Variants in LPP observed in about 807,000 individuals in gnomAD.
The protein encoded by LPP is LIM domain containing preferred translocation partner in lipoma.
LPP carries 38 observed loss-of-function variants against 60.4 expected under a neutral mutation model. The ratio of observed to expected loss-of-function variants is 0.63; its 90% CI spans 0.49 to 0.83. The LOEUF (loss-of-function observed/expected upper bound fraction) is 0.83. Ranked by LOEUF, LPP falls within the 40% of genes least tolerant of loss-of-function variation. The pLI, the probability that LPP is intolerant of heterozygous loss-of-function variation, is 0.00. For missense variants in LPP, 902 were observed against 783.6 expected, an observed-to-expected ratio of 1.15 and a Z score of -1.80; for synonymous variants, 328 against 290.8, an observed-to-expected ratio of 1.13 and a Z score of -1.30.
At chr3:188,729,016 A>G (rs1719442216) in intron 8 of LPP, among the ~76,000 whole-genome samples, 1 of 152,184 alleles carries the variant, frequency 6.6e-6, no homozygotes, top group Non-Finnish European at 1.5e-5. Flanking sequence ...CTCTGTACCT[A>G]TGATTATGAG....
chr3:188,622,443 A>G (rs1156347276), intron 7 of LPP, among the ~76,000 whole-genome samples: 1 of 152,196 alleles, frequency 6.6e-6, no homozygotes, highest in Non-Finnish European at 1.5e-5. Flanking sequence ...TCATTTAGCC[A>G]GATTGTTTAT....
intron 1 of LPP, among the ~76,000 whole-genome samples, chr3:188,172,735 A>G (rs1721940151): frequency 6.6e-6 from 1 of 152,236 alleles, no homozygotes; most frequent in African/African-American, 2.4e-5. Context: ...ATGTTGGTAC[A>G]TTACTGTGAA....
intron 9 of LPP, among the ~76,000 whole-genome samples, chr3:188,770,709 A>G (rs1264718655): frequency 6.6e-6 from 1 of 152,164 alleles, no homozygotes; most frequent in Non-Finnish European, 1.5e-5. Flanking sequence ...ATAAATTCAA[A>G]GATTCTAGAT....
intron 2 of LPP, among the ~76,000 whole-genome samples, chr3:188,244,810 C>T (rs1726297513): frequency 6.6e-6 from 1 of 152,176 alleles, no homozygotes; most frequent in South Asian, 2.1e-4. Context: ...TTGTTGTCTG[C>T]CCTGAACTGT....
chr3:188,586,636 G>T, intron 6 of LPP, among the ~76,000 whole-genome samples: 1 of 152,028 alleles, frequency 6.6e-6, no homozygotes, highest in East Asian at 1.9e-4. Context: ...TATGAGAAAT[G>T]AAACTGCAGA....
chr3:188,282,583 T>G (rs534349465), intron 2 of LPP, among the ~76,000 whole-genome samples: 2 of 152,248 alleles, frequency 1.3e-5, no homozygotes, highest in South Asian at 4.1e-4. Flanking sequence ...GCTCCTGGCA[T>G]AAGTGACATC....
intron 9 of LPP, among the ~76,000 whole-genome samples, chr3:188,766,289 C>T (rs1404854367): frequency 6.7e-6 from 1 of 148,264 alleles, no homozygotes; most frequent in Non-Finnish European, 1.5e-5. Flanking sequence ...CTCATGCTTT[C>T]CAGTATCACA....
chr3:188,269,644 TA>T lies in LPP; in HGVS notation c.-67+44118del, dbSNP rs757721291. ...GGCTAGCTGGTTGTGCCTTTTTTTTTATGTGTGTGTGTGTGTGTGTGTGTGT... is the reference window on the plus strand; with the variant it reads ...GGCTAGCTGGTTGTGCCTTTTTTTTTTGTGTGTGTGTGTGTGTGTGTGTGT... On this transcript the variant is annotated intron_variant, in intron 2 of 11. Coordinates refer to ENST00000617246, the MANE Select transcript of LPP (RefSeq NM_001375462.1). Among the ~76,000 whole-genome samples, 156 of 31,424 alleles carry T rather than the reference TA, an allele frequency of 5.0e-3. 1 individual carries two copies. The highest frequency in any genetic ancestry group is 5.1e-3 in the Non-Finnish European group (56 of 11,042). The allele number at this position is 31,424 out of a possible 152,430, so 20.6% of individuals were successfully genotyped here.
chr3:188,868,843 A>G (rs1578073486), intron 10 of LPP, among the ~76,000 whole-genome samples: 1 of 152,220 alleles, frequency 6.6e-6, no homozygotes, highest in Non-Finnish European at 1.5e-5. Flanking sequence ...CTGTGTGCCA[A>G]TTGTTGCATT....
chr3:188,839,643 G>T (rs977903773), intron 9 of LPP, among the ~76,000 whole-genome samples: 8 of 152,194 alleles, frequency 5.3e-5, no homozygotes, highest in African/African-American at 1.9e-4. Flanking sequence ...GGGAGGCTGA[G>T]GCGGACAGAT....
rs1206082559 is a variant in LPP at position 188,785,547 on chromosome 3, T to TATATATATATATATATACACACACAC, written c.1410+25266_1410+25267insTATATATATATATATACACACACACA. The stretch of plus-strand genomic sequence containing the variant: ...ATATATATTCCATCATATATATATA[T>TATATATATATATATATACACACACAC]ACACACACACACACACACACACACA... On this transcript the variant is annotated intron_variant, in intron 9 of 11. Coordinates refer to ENST00000617246, the MANE Select transcript of LPP (RefSeq NM_001375462.1). Among the ~76,000 whole-genome samples the TATATATATATATATATACACACACAC allele has an allele frequency of 7.8e-4, 34 of 43,844 alleles. 4 individuals are homozygous for TATATATATATATATATACACACACAC. The highest frequency in any genetic ancestry group is 2.5e-3 in the East Asian group (1 of 406). 28.8% of individuals were successfully genotyped at this position (43,844 alleles called of 152,430 possible).
chr3:188,453,171 C>G (rs1796978199), intron 4 of LPP, among the ~76,000 whole-genome samples: 1 of 152,122 alleles, frequency 6.6e-6, no homozygotes, highest in Admixed American at 6.6e-5. Context: ...CGGATTCATA[C>G]AGGTATGAAT....
intron 1 of LPP, among the ~76,000 whole-genome samples, chr3:188,155,263 C>T (rs1445767806): frequency 7.2e-5 from 11 of 152,148 alleles, no homozygotes; most frequent in African/African-American, 2.7e-4. Flanking sequence ...CCTCCCCCAA[C>T]ACAAAACAAC....
Position 188,882,153 on chromosome 3 carries a change from A to T in LPP, c.*7674A>T, listed in dbSNP as rs1770106829. On this transcript the variant is annotated 3_prime_UTR_variant, in exon 12 of 12. Transcript: ENST00000617246. ...TACTTACTCAATAGGAAGGAATGTGACATCAGGAAGAGTCATTCCAGTGAC... is the reference window on the plus strand; with the variant it reads ...TACTTACTCAATAGGAAGGAATGTGTCATCAGGAAGAGTCATTCCAGTGAC... 9.4e-6 allele frequency: 2 copies of T among 212,638 alleles called. No homozygotes were observed. The highest frequency in any genetic ancestry group is 1.9e-5 in the Non-Finnish European group (2 of 105,068). The allele number at this position is 212,638 out of a possible 1,614,324, so 13.2% of individuals were successfully genotyped here.
At chr3:188,482,734 G>A (rs1365811166) in intron 4 of LPP, among the ~76,000 whole-genome samples, 1 of 152,162 alleles carries the variant, frequency 6.6e-6, no homozygotes, top group Admixed American at 6.5e-5. Flanking sequence ...TTGTCATAAG[G>A]ATATGTACAA....
intron 1 of LPP, among the ~76,000 whole-genome samples, chr3:188,185,737 C>T (rs551592052): frequency 2.6e-5 from 4 of 152,292 alleles, no homozygotes; most frequent in South Asian, 2.1e-4. Flanking sequence ...GGAATCCCAA[C>T]GGGCAGCGGC....
At chr3:188,262,135 G>T (rs1339869562) in intron 2 of LPP, among the ~76,000 whole-genome samples, 1 of 152,124 alleles carries the variant, frequency 6.6e-6, no homozygotes, top group Non-Finnish European at 1.5e-5. Context: ...AGAAGCCAGG[G>T]TATATACCCC....
rs771843144 is a variant in LPP, at chr3:188,609,669, C to G, written c.938C>G (p.Ser313Cys). The G allele has an allele frequency of 1.9e-6, 3 of 1,614,030 alleles. No homozygotes were observed. Among genetic ancestry groups the G allele is most frequent in the East Asian group, 2.2e-5 (1 of 44,886 alleles). The change falls in exon 7 of 12, where the codon TCT becomes TGT. Residue 313 changes from serine (S) to cysteine (C), a missense_variant. Transcript: ENST00000617246. The surrounding 1 kb of genome is among the most constrained non-coding windows in gnomAD (Gnocchi z 6.9). ...AGPGYGGRNDSDPTYGQQGHP... is the reference protein window; with the variant it reads ...AGPGYGGRNDCDPTYGQQGHP... Reference sequence around the variant, plus strand: ...CCAGGCTATGGGGGCAGAAATGACTCTGACCCTACCTATGGTCAACAAGGT... The same window carrying G: ...CCAGGCTATGGGGGCAGAAATGACTGTGACCCTACCTATGGTCAACAAGGT...
At chr3:188,438,038 C>T (rs1792782399) in intron 4 of LPP, among the ~76,000 whole-genome samples, 1 of 152,040 alleles carries the variant, frequency 6.6e-6, no homozygotes, top group African/African-American at 2.4e-5. Context: ...TTTTTCTTGG[C>T]CACACTCACT....
Sources: allele counts gnomAD v4.1 joint callset (sites outside exome capture counted in the v4.1 genomes callset), GRCh38; gene constraint gnomAD v4.1.1; non-coding constraint Gnocchi (gnomAD v3.1); transcripts MANE v1.5; gene names NCBI Gene and HGNC (gene_info 2026-07-23, HGNC 2026-07-21).